Variants in NAV3 observed in about 807,000 individuals in gnomAD.
The protein encoded by NAV3 is pore membrane and/or filament interacting like protein 1.
NAV3 carries 87 observed loss-of-function variants against 244.7 expected under a neutral mutation model. The ratio of observed to expected loss-of-function variants is 0.36; its 90% CI spans 0.30 to 0.42. NAV3 has a LOEUF of 0.42. Among genes scored for constraint, NAV3 ranks in the 20% least tolerant of loss-of-function variants. NAV3 has a pLI of 1.00. For missense variants in NAV3, 2,663 were observed against 2,893.3 expected (o/e 0.92, Z 1.83); for synonymous variants, 1,126 against 1,042.2 (o/e 1.08, Z -1.55).
rs144911082 is a variant in NAV3 at position 77,588,503 on chromosome 12, T to C, written c.72+16237T>C. Among the ~76,000 whole-genome samples the C allele has an allele frequency of 2.0e-3, 305 of 152,288 alleles. 3 individuals carry two copies. Among genetic ancestry groups the C allele is most frequent in the African/African-American group, 7.1e-3 (297 of 41,558 alleles). Reference sequence around the variant, plus strand: ...TTAAATTGAGCTTCTTTTGCCTTCTTGGTGCTTTCTCATACTGGTGTTCAC... The same window carrying C: ...TTAAATTGAGCTTCTTTTGCCTTCTCGGTGCTTTCTCATACTGGTGTTCAC... On this transcript the variant is annotated intron_variant, in intron 2 of 8. Transcript: ENST00000550042.
intron 1 of NAV3, among the ~76,000 whole-genome samples, chr12:77,858,203 T>C (rs1383875793): frequency 3.3e-5 from 5 of 152,138 alleles, no homozygotes; most frequent in East Asian, 1.9e-4. Context: ...TCATCCACAA[T>C]GTAAAGTACA....
At chr12:77,689,870 A>G (rs1329713513) in intron 2 of NAV3, among the ~76,000 whole-genome samples, 1 of 151,866 alleles carries the variant, frequency 6.6e-6, no homozygotes, top group Non-Finnish European at 1.5e-5. Flanking sequence ...TCATACTGGA[A>G]GTAATTATTG....
chr12:77,659,279 C>T (rs1039431047), intron 2 of NAV3, among the ~76,000 whole-genome samples: 7 of 151,034 alleles, frequency 4.6e-5, no homozygotes, highest in African/African-American at 1.7e-4. Flanking sequence ...AACAAACAAC[C>T]CCATGAAAAA....
At chr12:78,030,908 TC>T (rs1878868990) in intron 9 of NAV3, among the ~76,000 whole-genome samples, 1 of 152,216 alleles carries the variant, frequency 6.6e-6, no homozygotes, top group Non-Finnish European at 1.5e-5. Flanking sequence ...TTCATTAGTT[TC>T]TTTTTGTAAA....
chr12:77,781,218 G>A (rs1214344137), intron 2 of NAV3, among the ~76,000 whole-genome samples: 1 of 152,088 alleles, frequency 6.6e-6, no homozygotes, highest in Non-Finnish European at 1.5e-5. Context: ...TCAGCCAAGG[G>A]CATTCCAAAG....
intron 1 of NAV3, among the ~76,000 whole-genome samples, chr12:77,890,396 A>G (rs923060053): frequency 2.6e-5 from 4 of 152,126 alleles, no homozygotes; most frequent in African/African-American, 9.7e-5. Context: ...GATTACAGGC[A>G]TGAACCACTG....
chr12:78,175,432 G>A lies in NAV3; in HGVS notation c.5103+5G>A. 2 of 1,607,882 alleles carry A rather than the reference G, an allele frequency of 1.2e-6. No homozygotes were observed. Among genetic ancestry groups the A allele is most frequent in the Non-Finnish European group, 1.7e-6 (2 of 1,177,290 alleles). ...AAGAAGAAAAAGAAAAACTGGGTAA[G>A]TTACCATCCTTCATCTAATTCAGAA... On this transcript the variant is annotated splice_donor_5th_base_variant and intron_variant, in intron 25 of 39. Coordinates refer to ENST00000397909, the MANE Select transcript of NAV3 (RefSeq NM_001024383.2).
chr12:77,600,325 C>G (rs1019449245), intron 2 of NAV3, among the ~76,000 whole-genome samples: 1 of 151,936 alleles, frequency 6.6e-6, no homozygotes, highest in Non-Finnish European at 1.5e-5. Context: ...TGATCTTATA[C>G]TGACTACTGA....
chr12:77,649,553 A>G (rs945709707), intron 2 of NAV3, among the ~76,000 whole-genome samples: 1 of 152,148 alleles, frequency 6.6e-6, no homozygotes, highest in Non-Finnish European at 1.5e-5. Flanking sequence ...TCAACATACT[A>G]ATAAGAAGAG....
chr12:77,614,666 G>A (rs1871078655), intron 2 of NAV3, among the ~76,000 whole-genome samples: 1 of 152,056 alleles, frequency 6.6e-6, no homozygotes, highest in African/African-American at 2.4e-5. Flanking sequence ...GCCTGGCTCT[G>A]GCCCTTCTGG....
intron 2 of NAV3, among the ~76,000 whole-genome samples, chr12:77,658,260 T>C (rs1468610939): frequency 6.6e-6 from 1 of 151,954 alleles, no homozygotes; most frequent in Non-Finnish European, 1.5e-5. Flanking sequence ...TTCAGCAAAG[T>C]CTCAGGATAC....
intron 1 of NAV3, among the ~76,000 whole-genome samples, chr12:77,846,077 T>C (rs1169412332): frequency 3.9e-5 from 6 of 152,096 alleles, no homozygotes; most frequent in Non-Finnish European, 2.9e-5. Context: ...TGAACGAAGA[T>C]TGGAGAGGAA....
intron 2 of NAV3, among the ~76,000 whole-genome samples, chr12:77,724,945 CT>C (rs1456581682): frequency 6.6e-6 from 1 of 151,926 alleles, no homozygotes; most frequent in Non-Finnish European, 1.5e-5. Context: ...ACTGAGAATG[CT>C]ATTGTGGAAT....
At chr12:77,675,291 A>G (rs1475034862) in intron 2 of NAV3, among the ~76,000 whole-genome samples, 2 of 152,198 alleles carry the variant, frequency 1.3e-5, no homozygotes, top group African/African-American at 4.8e-5. Context: ...ATTGGCTTAC[A>G]TGATTGTGGG....
At chr12:77,995,106 C>T (rs1241417466) in intron 6 of NAV3, among the ~76,000 whole-genome samples, 2 of 151,968 alleles carry the variant, frequency 1.3e-5, no homozygotes, top group Non-Finnish European at 2.9e-5. Context: ...TATAACTGGG[C>T]TTAAGTCTAG....
chr12:77,600,979 A>G (rs1252984390), intron 2 of NAV3, among the ~76,000 whole-genome samples: 1 of 152,004 alleles, frequency 6.6e-6, no homozygotes. Flanking sequence ...GAAGATACAA[A>G]TTATCAGCTA....
At chr12:78,070,365 A>G (rs977583333) in intron 12 of NAV3, among the ~76,000 whole-genome samples, 4 of 151,532 alleles carry the variant, frequency 2.6e-5, no homozygotes, top group African/African-American at 4.8e-5. Flanking sequence ...TTACACCACT[A>G]GTAAATGCCA....
intron 1 of NAV3, among the ~76,000 whole-genome samples, chr12:77,935,870 G>A (rs865795222): frequency 2.6e-5 from 4 of 152,108 alleles, no homozygotes; most frequent in East Asian, 1.9e-4. Context: ...GATGTGCTAC[G>A]CACTTTCAGA....
chr12:77,757,666 A>G (rs984249428), intron 2 of NAV3, among the ~76,000 whole-genome samples: 7 of 152,174 alleles, frequency 4.6e-5, no homozygotes, highest in Non-Finnish European at 8.8e-5. Flanking sequence ...AATTTCAGAG[A>G]TGATTTGGAC....
Sources: gnomAD v4.1 joint callset for allele counts (sites outside exome capture counted in the v4.1 genomes callset) on GRCh38, gnomAD v4.1.1 for gene constraint, MANE v1.5 for transcripts, NCBI Gene and HGNC (gene_info 2026-07-23, HGNC 2026-07-21) for gene names.